Variants in PREX2 observed in about 807,000 individuals in gnomAD.
PREX2 encodes the protein phosphatidylinositol 3,4,5-trisphosphate-dependent Rac exchanger 2 protein.
Under a neutral mutation model 203.2 loss-of-function variants are expected in PREX2, and 107 were observed. The observed-to-expected ratio is 0.53, with a 90% CI of 0.45 to 0.62. PREX2 has a LOEUF of 0.62. Ranked by LOEUF, PREX2 falls within the 20% of genes least tolerant of loss-of-function variation. The probability of loss-of-function intolerance (pLI) is 0.00; values close to 1 mark genes in which losing one functional copy is unlikely to be tolerated. For missense variants in PREX2, 1,777 were observed against 1,955.9 expected (o/e 0.91, Z 1.72); for synonymous variants, 672 against 663.6 (o/e 1.01, Z -0.19).
rs140403199 is a variant in PREX2 at position 68,090,703 on chromosome 8, G to T, written c.2238G>T (p.Arg746Ser). Residue 746 changes from arginine (R) to serine (S), a missense_variant, in exon 20 of 40, where the codon AGG (arginine) becomes AGT (serine). Physicochemically the swap from Arg to Ser is moderately radical, Grantham distance 110. Transcript: ENST00000288368. Reference protein sequence around the residue: ...IAHVTACRKYRRPTKQDSIQW... With the variant: ...IAHVTACRKYSRPTKQDSIQW... ...ACGTTACAGCCTGCAGGAAGTACAG[G>T]CGGCCAACGAAGGTAAGTGGCCCTT... The T allele has an allele frequency of 1.7e-4, 277 of 1,613,454 alleles. No individual in the cohort carries two copies. In the African/African-American group the frequency reaches 3.4e-3, roughly 20 times the overall value.
intron 6 of PREX2, among the ~76,000 whole-genome samples, 171 bp from the exon 7 acceptor site, chr8:68,037,988 G>A (rs967606732): frequency 6.6e-6 from 1 of 152,120 alleles, no homozygotes; most frequent in Non-Finnish European, 1.5e-5. Flanking sequence ...GGGGAAACTG[G>A]GGGGTTAGGG....
intron 1 of PREX2, among the ~76,000 whole-genome samples, chr8:68,000,125 G>T (rs1473499651): frequency 6.6e-6 from 1 of 152,126 alleles, no homozygotes; most frequent in Non-Finnish European, 1.5e-5. Context: ...GGGCAATTAG[G>T]CAAGAGAAAT....
chr8:68,077,325 G>A (rs1159525117), intron 14 of PREX2, 72 bp from the exon 15 acceptor site: 4 of 1,069,974 alleles, frequency 3.7e-6, no homozygotes, highest in Non-Finnish European at 5.8e-6. Flanking sequence ...TGCTGGGAAT[G>A]TTAAATGGAG....
rs200119269 is a variant in PREX2, at chr8:68,025,307, G to A, written c.442-1915G>A. Among the ~76,000 whole-genome samples the A allele has an allele frequency of 9.9e-5, 15 of 151,780 alleles. No homozygotes were observed. The East Asian group carries it at 1.7e-3, about 18-fold the overall frequency. ...CTGGTAGATTTTTTTCTCAGTCAGC[G>A]CTTTGAATATGTCATTCTACTACCT... On this transcript the variant is annotated intron_variant, in intron 4 of 39. Transcript: ENST00000288368.
chr8:68,006,093 T>C (rs1804959768), intron 1 of PREX2, among the ~76,000 whole-genome samples: 1 of 152,220 alleles, frequency 6.6e-6, no homozygotes, highest in Non-Finnish European at 1.5e-5. Context: ...AATTTTACAG[T>C]TGACCTGCAG....
chr8:68,109,048 G>A (rs1004657470), intron 24 of PREX2: 4 of 448,540 alleles, frequency 8.9e-6, no homozygotes, highest in East Asian at 6.8e-5. Flanking sequence ...GCCTGGGGTG[G>A]TTGGGTGGGG....
intron 35 of PREX2, among the ~76,000 whole-genome samples, chr8:68,162,978 G>A (rs1811683518): frequency 6.6e-6 from 1 of 152,114 alleles, no homozygotes; most frequent in South Asian, 2.1e-4. Context: ...AGACAAAAAT[G>A]TCCAAATTAT....
chr8:67,995,793 C>G (rs1353248635), intron 1 of PREX2, among the ~76,000 whole-genome samples: 1 of 152,116 alleles, frequency 6.6e-6, no homozygotes, highest in Non-Finnish European at 1.5e-5. Flanking sequence ...CATGAATGTT[C>G]CAACATGAGT....
intron 35 of PREX2, among the ~76,000 whole-genome samples, chr8:68,186,673 C>A (rs1812197038): frequency 6.6e-6 from 1 of 152,062 alleles, no homozygotes; most frequent in Admixed American, 6.6e-5. Context: ...GCCACCACGC[C>A]TAGCTAATTT....
chr8:68,205,318 A>T (rs551123581), intron 37 of PREX2, among the ~76,000 whole-genome samples: 1 of 152,272 alleles, frequency 6.6e-6, no homozygotes, highest in East Asian at 1.9e-4. Flanking sequence ...TCCACATAAA[A>T]GTATTTATGT....
intron 4 of PREX2, among the ~76,000 whole-genome samples, chr8:68,025,078 A>G (rs546171821): frequency 3.7e-4 from 57 of 152,114 alleles, no homozygotes; most frequent in African/African-American, 1.1e-3. Flanking sequence ...GTACACATTT[A>G]CCATCTCTGG....
At chr8:68,183,039 G>A (rs750655888) in intron 35 of PREX2, among the ~76,000 whole-genome samples, 16 of 151,902 alleles carry the variant, frequency 1.1e-4, no homozygotes, top group Non-Finnish European at 2.4e-4. Context: ...AAGGCACGGT[G>A]TTGAGAGATG....
chr8:68,189,568 TCA>T (rs1056817394), intron 35 of PREX2, among the ~76,000 whole-genome samples: 1 of 152,230 alleles, frequency 6.6e-6, no homozygotes, highest in Non-Finnish European at 1.5e-5. Context: ...AAATAATCCC[TCA>T]GTCTTTTATT....
Position 68,022,095 on chromosome 8 carries a change from A to G in PREX2, c.396A>G (p.Leu132=). ...YCSNHEKAQK[L]LLELNKIRTI... is the part of the protein sequence containing the mutation. ...GTAACCATGAGAAGGCACAAAAATT[A>G]CTTCTTGAACTCAACAAAATAAGAA... The change falls in exon 4 of 40, where the codon TTA becomes TTG. Residue 132 remains leucine, a synonymous_variant. Coordinates refer to ENST00000288368, the MANE Select transcript of PREX2 (RefSeq NM_024870.4). 6.3e-7 allele frequency: 1 copy of G among 1,577,210 alleles called. No individual in the cohort carries two copies. The highest frequency in any genetic ancestry group is 8.7e-7 in the Non-Finnish European group (1 of 1,146,676).
intron 15 of PREX2, 134 bp from the exon 16 acceptor site, chr8:68,080,309 G>A (rs1809474815): frequency 6.1e-6 from 4 of 658,298 alleles, no homozygotes; most frequent in South Asian, 4.2e-5. Flanking sequence ...GGGGCTACTT[G>A]TGAATGTAAC....
chr8:68,147,496 C>T (rs904673434), intron 34 of PREX2, among the ~76,000 whole-genome samples: 1 of 152,122 alleles, frequency 6.6e-6, no homozygotes, highest in Non-Finnish European at 1.5e-5. Context: ...TTTCCATGCA[C>T]AAGCCCTCTC....
At chr8:68,119,546 C>T (rs756436809) in intron 28 of PREX2, 32 bp downstream of exon 28, 7 of 1,497,554 alleles carry the variant, frequency 4.7e-6, no homozygotes, top group South Asian at 1.1e-5. Context: ...GCTTTTGTTC[C>T]ACAACTAAAC....
intron 39 of PREX2, among the ~76,000 whole-genome samples, chr8:68,229,061 T>C (rs1813116172): frequency 6.6e-6 from 1 of 151,874 alleles, no homozygotes; most frequent in Admixed American, 6.6e-5. Flanking sequence ...GAGAATTGCC[T>C]TGGGACAGAG....
Position 68,192,399 on chromosome 8 carries a change from A to G in PREX2, c.4478A>G (p.Lys1493Arg), listed in dbSNP as rs150076178. The change falls in exon 37 of 40, where the codon AAG becomes AGG. Residue 1493 changes from lysine to arginine, a missense_variant. Lys to Arg is a conservative substitution (Grantham distance 26). Transcript: ENST00000288368. Reference sequence around the variant, plus strand: ...CTGGTAGCCTCGTTTATCAGATCCAAGCGCACAGCTGCCTGTGCAAACACA... The same window carrying G: ...CTGGTAGCCTCGTTTATCAGATCCAGGCGCACAGCTGCCTGTGCAAACACA... ...YRLVASFIRS[K>R]RTAACANTAC... 1.9e-6 allele frequency: 3 copies of G among 1,613,886 alleles called. No individual in the cohort carries two copies. The African/African-American group carries it at 4.0e-5, about 22-fold the overall frequency.
Sources: allele counts gnomAD v4.1 joint callset (sites outside exome capture counted in the v4.1 genomes callset), GRCh38; gene constraint gnomAD v4.1.1; transcripts MANE v1.5; gene names NCBI Gene and HGNC (gene_info 2026-07-23, HGNC 2026-07-21).